The following HERC1 variants were observed in gnomAD, a reference collection of about 807,000 sequenced individuals.
HERC1 encodes HECT and RLD domain containing E3 ubiquitin protein ligase family member 1.
In HERC1, 160 loss-of-function variants were observed where a neutral mutation model predicts 554.3. That is an observed-to-expected ratio of 0.29 (90% CI 0.25 to 0.33). The LOEUF is 0.33. HERC1 is among the 10% of genes least tolerant of loss of function. The pLI, the probability that HERC1 is intolerant of heterozygous loss-of-function variation, is 1.00. For missense variants in HERC1, 4,919 were observed against 5,918.5 expected (o/e 0.83, Z 5.54); for synonymous variants, 2,175 against 2,131.7 (o/e 1.02, Z -0.56).
chr15:63,639,154 G>T (rs2068919837), intron 61 of HERC1, among the ~76,000 whole-genome samples: 1 of 152,044 alleles, frequency 6.6e-6, no homozygotes, highest in Non-Finnish European at 1.5e-5. Context: ...TACAGAGTTG[G>T]GCCAAATGGG....
At chr15:63,744,925 A>G (rs1447379037) in intron 12 of HERC1, among the ~76,000 whole-genome samples, 1 of 152,148 alleles carries the variant, frequency 6.6e-6, no homozygotes, top group East Asian at 1.9e-4. Flanking sequence ...CTGGGTATCA[A>G]TGCTGGTTAT....
chr15:63,776,494 T>C (rs917439611), intron 1 of HERC1, among the ~76,000 whole-genome samples: 1 of 152,172 alleles, frequency 6.6e-6, no homozygotes, highest in African/African-American at 2.4e-5. Context: ...GACCCAACAA[T>C]TCCTCTTCTA....
intron 69 of HERC1, among the ~76,000 whole-genome samples, chr15:63,630,177 G>A (rs1195405515): frequency 6.6e-6 from 1 of 152,078 alleles, no homozygotes; most frequent in Non-Finnish European, 1.5e-5. Flanking sequence ...CTTACTACAT[G>A]CCAGGCACTT....
intron 12 of HERC1, among the ~76,000 whole-genome samples, chr15:63,737,364 TTTTTTCCAGATATATATATATATATCG>T (rs1261086745): frequency 1.7e-4 from 24 of 140,188 alleles, no homozygotes; most frequent in East Asian, 6.0e-4. Context: ...TATATATATC[TTTTTTCCAGATATATATATATATATCG>T]TTTTTCCAGA....
intron 1 of HERC1, among the ~76,000 whole-genome samples, chr15:63,806,294 A>G (rs534739079): frequency 2.0e-3 from 302 of 151,850 alleles, no homozygotes; most frequent in African/African-American, 7.0e-3. Context: ...TTCCCACCTC[A>G]CCTACATAAT....
intron 1 of HERC1, among the ~76,000 whole-genome samples, chr15:63,787,520 G>T (rs1184851527): frequency 2.0e-5 from 3 of 151,954 alleles, no homozygotes; most frequent in Admixed American, 2.0e-4. Context: ...TGAACTGAGG[G>T]TATGTTACTG....
At chr15:63,759,408 C>T (rs2075535594) in intron 3 of HERC1, among the ~76,000 whole-genome samples, 1 of 152,186 alleles carries the variant, frequency 6.6e-6, no homozygotes, top group African/African-American at 2.4e-5. Context: ...CACCAGGCTG[C>T]CTGCCAAAAG....
intron 12 of HERC1, among the ~76,000 whole-genome samples, chr15:63,746,537 A>AGTAGATG (rs1164722042): frequency 6.6e-6 from 1 of 152,174 alleles, no homozygotes; most frequent in African/African-American, 2.4e-5. Context: ...TTACAGTTCT[A>AGTAGATG]GTAGATGATC....
chr15:63,785,480 A>C (rs1161891004), intron 1 of HERC1, among the ~76,000 whole-genome samples: 15 of 152,108 alleles, frequency 9.9e-5, no homozygotes, highest in Non-Finnish European at 1.5e-5. Flanking sequence ...AAACTTTAAG[A>C]ATATTAGGCT....
chr15:63,819,945 T>C (rs2077627509), intron 1 of HERC1, among the ~76,000 whole-genome samples: 1 of 152,196 alleles, frequency 6.6e-6, no homozygotes. Context: ...AGTTTAAACG[T>C]GCGTTAAATA....
intron 2 of HERC1, among the ~76,000 whole-genome samples, chr15:63,768,502 A>G (rs2075851929): frequency 6.6e-6 from 1 of 152,202 alleles, no homozygotes; most frequent in Non-Finnish European, 1.5e-5. Context: ...CTTGGTTGCA[A>G]CCTCTCCAAA....
chr15:63,782,877 G>T (rs1344902185), intron 1 of HERC1, among the ~76,000 whole-genome samples: 2 of 152,198 alleles, frequency 1.3e-5, no homozygotes, highest in African/African-American at 4.8e-5. Context: ...CTTCAGTGGA[G>T]GAAGTAACTG....
intron 36 of HERC1, among the ~76,000 whole-genome samples, chr15:63,678,772 A>G (rs2071329848): frequency 6.6e-6 from 1 of 152,258 alleles, no homozygotes; most frequent in Non-Finnish European, 1.5e-5. Flanking sequence ...AAGTAAAATC[A>G]TAAAGTCACA....
Position 63,639,924 on chromosome 15 carries a change from G to C in HERC1, c.11901+228C>G, listed in dbSNP as rs7175855. ...AAATATGGGACTATGTCATTGAGAG[G>C]TGGCAGGTTTACAAGAGTTCAACAG... On this transcript the variant is annotated intron_variant, in intron 61 of 77. Transcript: ENST00000443617. Among the ~76,000 whole-genome samples, 123,948 of 152,180 alleles carry C rather than the reference G, an allele frequency of 0.81. 52,351 individuals carry two copies. The highest frequency in any genetic ancestry group is 0.88 in the Non-Finnish European group (59,588 of 68,008).
Position 63,698,419 on chromosome 15 carries a change from C to CAAA in HERC1, c.4905+306_4905+308dup, listed in dbSNP as rs57040637. On this transcript the variant is annotated intron_variant, in intron 26 of 77. Transcript: ENST00000443617. The stretch of plus-strand genomic sequence containing the variant: ...GGCAACGAGAGCGAAACTCCGTCTC[C>CAAA]AAAAAAAAAAAAAAAAAAGGCTCTG... 7.2e-3 allele frequency among the ~76,000 whole-genome samples: 583 copies of CAAA among 80,674 alleles called. 7 individuals are homozygous for CAAA. Among genetic ancestry groups the CAAA allele is most frequent in the Non-Finnish European group, 9.4e-3 (376 of 40,000 alleles). The allele number at this position is 80,674 out of a possible 152,430, so 52.9% of individuals were successfully genotyped here. A position where few individuals can be genotyped will look rare whatever the true frequency, so the allele number is the denominator to read the frequency against.
chr15:63,638,822 T>C (rs1169721239), intron 61 of HERC1, 46 bp from the exon 62 acceptor site: 39 of 1,381,778 alleles, frequency 2.8e-5, no homozygotes, highest in Non-Finnish European at 3.2e-5. Context: ...TTAGGCAAGA[T>C]GCACCTGCTC....
chr15:63,640,084 T>A, intron 61 of HERC1, 68 bp downstream of exon 61: 1 of 1,433,038 alleles, frequency 7.0e-7, no homozygotes, highest in African/African-American at 1.4e-5. Flanking sequence ...TTATTAGGGG[T>A]CTGCTACATG....
chr15:63,808,907 A>T (rs1276570592), intron 1 of HERC1, among the ~76,000 whole-genome samples: 1 of 152,220 alleles, frequency 6.6e-6, no homozygotes, highest in Non-Finnish European at 1.5e-5. Flanking sequence ...CTACATCATG[A>T]CAATCAACAT....
At position 63,675,136 on chromosome 15, in the gene HERC1, T is replaced by A. The variant is rs1179634728; in HGVS notation, c.7071-19A>T. ...TGGGAAGCTTTAATAAAGATCAGAA[T>A]GACACAGGAAGAAGCAAGTGAGGGA... On this transcript the variant is annotated intron_variant, in intron 37 of 77. Coordinates refer to ENST00000443617, the MANE Select transcript of HERC1 (RefSeq NM_003922.4). The A allele has an allele frequency of 6.4e-7, 1 of 1,558,934 alleles. No individual in the cohort carries two copies. The highest frequency in any genetic ancestry group is 8.7e-7 in the Non-Finnish European group (1 of 1,153,546).
Sources: allele counts gnomAD v4.1 joint callset (sites outside exome capture counted in the v4.1 genomes callset), GRCh38; gene constraint gnomAD v4.1.1; transcripts MANE v1.5; gene names NCBI Gene and HGNC (gene_info 2026-07-23, HGNC 2026-07-21).